The following SLC44A1 variants were observed in gnomAD, a reference collection of about 807,000 sequenced individuals.
SLC44A1 encodes solute carrier family 44 member 1, also known as choline transporter-like protein 1.
A neutral mutation model predicts 79.3 loss-of-function variants in SLC44A1; 26 were observed. That is an observed-to-expected ratio of 0.33 (90% confidence interval 0.24 to 0.46). The LOEUF (loss-of-function observed/expected upper bound fraction) is 0.46. Ranked by LOEUF, SLC44A1 falls within the 20% of genes least tolerant of loss-of-function variation. The pLI, the probability that SLC44A1 is intolerant of heterozygous loss-of-function variation, is 1.00. For missense variants in SLC44A1, 688 were observed against 798.1 expected (o/e 0.86, Z 1.66); for synonymous variants, 263 against 286.2 (o/e 0.92, Z 0.82).
chr9:105,354,207 C>T (rs974953738), intron 5 of SLC44A1, among the ~76,000 whole-genome samples: 1 of 150,204 alleles, frequency 6.7e-6, no homozygotes, highest in Admixed American at 6.6e-5. Context: ...CCCGCTACCA[C>T]GCCCGGCTAA....
chr9:105,383,683 T>C (rs1022117388), intron 14 of SLC44A1, among the ~76,000 whole-genome samples: 2 of 152,224 alleles, frequency 1.3e-5, no homozygotes, highest in African/African-American at 2.4e-5. Flanking sequence ...TTTCCTGAAA[T>C]GGGGCTCAAA....
chr9:105,366,356 G>A lies in SLC44A1; in HGVS notation c.1421G>A (p.Cys474Tyr). The A allele has an allele frequency of 1.3e-6, 2 of 1,502,012 alleles. No homozygotes were observed. Among genetic ancestry groups the A allele is most frequent in the Non-Finnish European group, 1.8e-6 (2 of 1,125,336 alleles). The allele number at this position is 1,502,012 out of a possible 1,614,324, so 93.0% of individuals were successfully genotyped here. Residue 474 changes from cysteine (C) to tyrosine (Y), a missense_variant, in exon 12 of 16, where the codon TGT becomes TAT. Cys to Tyr is a radical substitution (Grantham distance 194). Transcript: ENST00000374720. ...HSQLKGKENA[C>Y]ARCVLKSCIC... Reference sequence around the variant, plus strand: ...TTTTCCCCCATCCAGGAAAATGCTTGTGCACGATGTGTGCTGAAATCTTGC... The same window carrying A: ...TTTTCCCCCATCCAGGAAAATGCTTATGCACGATGTGTGCTGAAATCTTGC...
chr9:105,408,122 C>G (rs983670698), intron 15 of SLC44A1, among the ~76,000 whole-genome samples: 14 of 152,106 alleles, frequency 9.2e-5, no homozygotes, highest in Non-Finnish European at 1.6e-4. Flanking sequence ...CCACTGCACT[C>G]CAGCCTGGGC....
chr9:105,287,102 T>A (rs1830496514), intron 1 of SLC44A1, among the ~76,000 whole-genome samples: 1 of 152,212 alleles, frequency 6.6e-6, no homozygotes, highest in South Asian at 2.1e-4. Flanking sequence ...CACCCTTCCT[T>A]TTATATGATA....
chr9:105,313,058 C>T (rs984729000), intron 3 of SLC44A1, among the ~76,000 whole-genome samples: 1 of 152,150 alleles, frequency 6.6e-6, no homozygotes, highest in Non-Finnish European at 1.5e-5. Context: ...GTGTGATGTT[C>T]TTATTGTCTG....
intron 15 of SLC44A1, among the ~76,000 whole-genome samples, chr9:105,434,208 T>C (rs1829435332): frequency 6.6e-6 from 1 of 151,944 alleles, no homozygotes; most frequent in African/African-American, 2.4e-5. Flanking sequence ...GGCATGGTCA[T>C]GCATGCCCGT....
At position 105,435,956 on chromosome 9, in the gene SLC44A1, G is replaced by T. The variant is rs184104692; in HGVS notation, c.1951-2325G>T. Reference sequence around the variant, plus strand: ...CTCACGCCTGTAATCTCAACACTTCGGGAGGCCAAGGCCTGCGGACCACCT... The same window carrying T: ...CTCACGCCTGTAATCTCAACACTTCTGGAGGCCAAGGCCTGCGGACCACCT... On this transcript the variant is annotated intron_variant, in intron 15 of 15. Transcript: ENST00000374724. 3.9e-5 allele frequency among the ~76,000 whole-genome samples: 6 copies of T among 152,290 alleles called. No homozygotes were observed. In the East Asian group the frequency reaches 1.2e-3, roughly 29 times the overall value.
intron 13 of SLC44A1, among the ~76,000 whole-genome samples, chr9:105,381,084 T>C (rs549725069): frequency 6.6e-5 from 10 of 152,346 alleles, no homozygotes; most frequent in African/African-American, 1.9e-4. Context: ...GTTTGAGCCA[T>C]ACCTTTTTTC....
At chr9:105,341,592 G>T (rs924706185) in intron 4 of SLC44A1, among the ~76,000 whole-genome samples, 3 of 152,152 alleles carry the variant, frequency 2.0e-5, no homozygotes, top group Non-Finnish European at 4.4e-5. Context: ...CTAGGGGCAA[G>T]CTCATGCTCT....
In SLC44A1 at chr9:105,391,699, C is replaced by G. The variant is rs190594188; in HGVS notation, c.*2643C>G. On this transcript the variant is annotated 3_prime_UTR_variant, in exon 16 of 16. Coordinates refer to ENST00000374720, the MANE Select transcript of SLC44A1 (RefSeq NM_080546.5). ...TCATTTCAAGTCATTCTTCAGCTAG[C>G]TATGGGCTGCCTTATTGCTATTCGC... 3,153 of 985,314 alleles carry G rather than the reference C, an allele frequency of 3.2e-3. 13 individuals carry two copies. Among genetic ancestry groups the G allele is most frequent in the Non-Finnish European group, 3.4e-3 (2,785 of 829,886 alleles). The allele number at this position is 985,314 out of a possible 1,614,324, so 61.0% of individuals were successfully genotyped here. A position where few individuals can be genotyped will look rare whatever the true frequency, so the allele number is the denominator to read the frequency against.
intron 3 of SLC44A1, among the ~76,000 whole-genome samples, chr9:105,322,644 A>G (rs1826429618): frequency 6.6e-6 from 1 of 152,196 alleles, no homozygotes; most frequent in Non-Finnish European, 1.5e-5. Flanking sequence ...TGATTGGAAC[A>G]AAATAGAAAC....
intron 1 of SLC44A1, among the ~76,000 whole-genome samples, chr9:105,249,758 C>A (rs886634071): frequency 1.3e-5 from 2 of 151,286 alleles, no homozygotes; most frequent in African/African-American, 4.9e-5. Flanking sequence ...TGGTCTCGAA[C>A]TCCTGACCTC....
chr9:105,376,885 G>C (rs1024854922), intron 13 of SLC44A1, among the ~76,000 whole-genome samples: 2 of 152,142 alleles, frequency 1.3e-5, no homozygotes, highest in African/African-American at 4.8e-5. Context: ...CTAAAGTTTA[G>C]AGAAAAATTA....
chr9:105,289,105 G>A (rs1350691099), intron 1 of SLC44A1, among the ~76,000 whole-genome samples: 1 of 152,230 alleles, frequency 6.6e-6, no homozygotes, highest in African/African-American at 2.4e-5. Flanking sequence ...AAAATCTCAT[G>A]TAGGGGAAGC....
chr9:105,384,452 A>AT (rs1424479272), intron 14 of SLC44A1, among the ~76,000 whole-genome samples: 10 of 152,074 alleles, frequency 6.6e-5, no homozygotes, highest in Admixed American at 1.3e-4. Context: ...AAATGCTGGG[A>AT]TTACAGGTGT....
chr9:105,283,070 G>A (rs1017579444), intron 1 of SLC44A1, among the ~76,000 whole-genome samples: 2 of 152,132 alleles, frequency 1.3e-5, no homozygotes, highest in African/African-American at 2.4e-5. Context: ...GGCCACAGAT[G>A]GGAGTTTAGT....
At chr9:105,422,750 T>C (rs1387939159) in intron 15 of SLC44A1, among the ~76,000 whole-genome samples, 1 of 152,218 alleles carries the variant, frequency 6.6e-6, no homozygotes, top group Non-Finnish European at 1.5e-5. Context: ...ATTTTCAGTG[T>C]CCTACTTCTG....
At chr9:105,302,674 TA>T (rs57862025) in intron 2 of SLC44A1, among the ~76,000 whole-genome samples, 8,304 of 132,364 alleles carry the variant, frequency 0.063, 728 homozygotes, top group African/African-American at 0.2. Flanking sequence ...GGATCTTTTC[TA>T]AAAAAAAAAA....
In SLC44A1 at chr9:105,395,842, G is replaced by A. The variant is rs958480217; in HGVS notation, c.*6786G>A. On this transcript the variant is annotated 3_prime_UTR_variant, in exon 16 of 16. Coordinates refer to ENST00000374720, the MANE Select transcript of SLC44A1 (RefSeq NM_080546.5). The stretch of plus-strand genomic sequence containing the variant: ...ATGGGTTCCATGGATCATTCTAGTT[G>A]CCACTAGAAAATGTGAGCTCCTTCT... 2.0e-6 allele frequency: 2 copies of A among 983,666 alleles called. No homozygotes were observed. Among genetic ancestry groups the A allele is most frequent in the African/African-American group, 3.5e-5 (2 of 56,952 alleles). 60.9% of individuals were successfully genotyped at this position (983,666 alleles called of 1,614,324 possible). A position where few individuals can be genotyped will look rare whatever the true frequency, so the allele number is the denominator to read the frequency against.
Sources: gnomAD v4.1 joint callset for allele counts (sites outside exome capture counted in the v4.1 genomes callset) on GRCh38, gnomAD v4.1.1 for gene constraint, MANE v1.5 for transcripts, NCBI Gene and HGNC (gene_info 2026-07-23, HGNC 2026-07-21) for gene names.